Variants in SCHIP1 observed in about 807,000 individuals in gnomAD.
SCHIP1 encodes schwannomin interacting protein 1, also known as schwannomin-interacting protein 1.
SCHIP1 carries 8 observed loss-of-function variants against 29.7 expected under a neutral mutation model. That is an observed-to-expected ratio of 0.27 (90% CI 0.16 to 0.49). The LOEUF (loss-of-function observed/expected upper bound fraction) is 0.49, where lower values mean the gene tolerates loss of function less well. Among genes scored for constraint, SCHIP1 ranks in the 20% least tolerant of loss-of-function variants. The pLI, the probability that SCHIP1 is intolerant of heterozygous loss-of-function variation, is 0.99. For missense variants in SCHIP1, 193 were observed against 294.6 expected, an observed-to-expected ratio of 0.66 and a Z score of 2.52; for synonymous variants, 76 against 94.9, an observed-to-expected ratio of 0.80 and a Z score of 1.16.
At chr3:159,626,199 G>T in the SCHIP1 span, among the ~76,000 whole-genome samples, 101 of 110,122 alleles carry the variant, frequency 9.2e-4, 8 homozygotes, top group African/African-American at 5.9e-3. Flanking sequence ...TAGATAGATA[G>T]ATAGATAGAT....
chr3:159,365,722 G>A, the SCHIP1 span, among the ~76,000 whole-genome samples: 18,768 of 152,070 alleles, frequency 0.12, 1,300 homozygotes, highest in African/African-American at 0.15. Flanking sequence ...ACTTCTGGCC[G>A]AGCAAATTCA....
chr3:159,320,942 C>T, the SCHIP1 span, among the ~76,000 whole-genome samples: 1 of 151,634 alleles, frequency 6.6e-6, no homozygotes, highest in South Asian at 2.1e-4. Context: ...GGAGTGACTA[C>T]TTAATACTTG....
the SCHIP1 span, among the ~76,000 whole-genome samples, chr3:159,712,762 A>C: frequency 1.3e-5 from 2 of 151,704 alleles, no homozygotes; most frequent in African/African-American, 4.8e-5. Context: ...AAGGGAAAGG[A>C]AAGGAAGAGA....
chr3:159,596,446 T>G, the SCHIP1 span, among the ~76,000 whole-genome samples: 39 of 152,304 alleles, frequency 2.6e-4, no homozygotes, highest in African/African-American at 9.4e-4. Flanking sequence ...ATCCTATTAC[T>G]AGGCATATAC....
the SCHIP1 span, among the ~76,000 whole-genome samples, chr3:159,597,762 C>G: frequency 6.6e-6 from 1 of 152,142 alleles, no homozygotes; most frequent in Admixed American, 6.6e-5. Flanking sequence ...CCCTTTGATA[C>G]ATTGATTTCT....
At chr3:159,541,090 T>C in the SCHIP1 span, among the ~76,000 whole-genome samples, 2 of 152,048 alleles carry the variant, frequency 1.3e-5, no homozygotes, top group African/African-American at 2.4e-5. Flanking sequence ...AGCCATATTC[T>C]TGAGGAGCTG....
chr3:159,822,651 A>G, the SCHIP1 span, among the ~76,000 whole-genome samples: 1 of 144,038 alleles, frequency 6.9e-6, no homozygotes, highest in Non-Finnish European at 1.5e-5. Context: ...GGTTTTTGCC[A>G]TTACTTCCAA....
At chr3:159,890,834 G>A (rs1717443217) in intron 5 of SCHIP1, among the ~76,000 whole-genome samples, 1 of 151,882 alleles carries the variant, frequency 6.6e-6, no homozygotes, top group South Asian at 2.1e-4. Flanking sequence ...GCAGATAAAT[G>A]CATCATTTGA....
At chr3:159,778,679 A>G in the SCHIP1 span, among the ~76,000 whole-genome samples, 1 of 152,204 alleles carries the variant, frequency 6.6e-6, no homozygotes, top group Non-Finnish European at 1.5e-5. Context: ...CAGGCATGAA[A>G]TTTAAGTAAA....
chr3:159,611,633 A>C, the SCHIP1 span, among the ~76,000 whole-genome samples: 1 of 152,192 alleles, frequency 6.6e-6, no homozygotes, highest in African/African-American at 2.4e-5. Context: ...CCACCATGGC[A>C]CATATATACC....
chr3:159,362,737 G>A, the SCHIP1 span, among the ~76,000 whole-genome samples: 13 of 152,146 alleles, frequency 8.5e-5, no homozygotes, highest in East Asian at 1.2e-3. Context: ...CTAACACTGA[G>A]CATGTGCTTC....
the SCHIP1 span, among the ~76,000 whole-genome samples, chr3:159,624,900 T>C: frequency 1.3e-4 from 20 of 152,302 alleles, no homozygotes; most frequent in East Asian, 1.2e-3. Context: ...GCTTCCCTTG[T>C]GTGCAAGGTT....
the SCHIP1 span, among the ~76,000 whole-genome samples, chr3:159,509,230 C>CT: frequency 6.6e-6 from 1 of 152,216 alleles, no homozygotes; most frequent in Non-Finnish European, 1.5e-5. Flanking sequence ...TAATGGCCTT[C>CT]TTTGTCTCTT....
At chr3:159,725,497 T>C in the SCHIP1 span, among the ~76,000 whole-genome samples, 4 of 152,110 alleles carry the variant, frequency 2.6e-5, no homozygotes, top group African/African-American at 9.7e-5. Context: ...ACTCCTGGCC[T>C]CAAGGGATCC....
chr3:159,678,276 A>T, the SCHIP1 span, among the ~76,000 whole-genome samples: 1 of 152,312 alleles, frequency 6.6e-6, no homozygotes, highest in South Asian at 2.1e-4. Flanking sequence ...CTCATTGAAG[A>T]TTATTTCATC....
chr3:159,496,894 G>A, the SCHIP1 span, among the ~76,000 whole-genome samples: 3 of 152,126 alleles, frequency 2.0e-5, no homozygotes, highest in African/African-American at 7.2e-5. Context: ...AGAAAATGTG[G>A]CACATATACT....
chr3:159,770,556 G>C, the SCHIP1 span, among the ~76,000 whole-genome samples: 1 of 152,174 alleles, frequency 6.6e-6, no homozygotes, highest in South Asian at 2.1e-4. Flanking sequence ...ACTGTGCCGG[G>C]CCTGAATATA....
At chr3:159,307,952 A>G in the SCHIP1 span, among the ~76,000 whole-genome samples, 1 of 151,968 alleles carries the variant, frequency 6.6e-6, no homozygotes, top group Middle Eastern at 3.2e-3. Context: ...TTGTACCAGT[A>G]CCAAGCTGTT....
At chr3:159,521,282 C>A in the SCHIP1 span, among the ~76,000 whole-genome samples, 1 of 152,184 alleles carries the variant, frequency 6.6e-6, no homozygotes, top group Non-Finnish European at 1.5e-5. Context: ...AACAGGTAAG[C>A]CAGTTGTAGA....
Sources: gnomAD v4.1 joint callset for allele counts (sites outside exome capture counted in the v4.1 genomes callset) on GRCh38, gnomAD v4.1.1 for gene constraint, MANE v1.5 for transcripts, NCBI Gene and HGNC (gene_info 2026-07-23, HGNC 2026-07-21) for gene names.